HMG20A: variants seen among roughly 807,000 people sequenced by gnomAD.
HMG20A encodes high mobility group protein 20A.
HMG20A carries 17 observed loss-of-function variants against 43.9 expected under a neutral mutation model. That is an observed-to-expected ratio of 0.39 (90% CI 0.27 to 0.58). The LOEUF (loss-of-function observed/expected upper bound fraction) is 0.58. Ranked by LOEUF, HMG20A falls within the 20% of genes least tolerant of loss-of-function variation. HMG20A has a pLI of 0.59. For synonymous variants in HMG20A, 132 were observed against 147.5 expected, an observed-to-expected ratio of 0.89 and a Z score of 0.76; for missense variants, 341 against 438.2, an observed-to-expected ratio of 0.78 and a Z score of 1.98.
the HMG20A span, among the ~76,000 whole-genome samples, chr15:77,498,245 A>C: frequency 6.6e-6 from 1 of 152,104 alleles, no homozygotes; most frequent in African/African-American, 2.4e-5. Context: ...TGCTGCCGGC[A>C]CTTTCTTCTC....
chr15:77,454,712 A>C (rs2072638473), intron 1 of HMG20A, among the ~76,000 whole-genome samples: 1 of 152,216 alleles, frequency 6.6e-6, no homozygotes, highest in Non-Finnish European at 1.5e-5. Context: ...GAGTATTGGC[A>C]AAAGAACATT....
At chr15:77,489,405 A>G (rs558612703), downstream of HMG20A, among the ~76,000 whole-genome samples, 3 of 152,374 alleles carry the variant, frequency 2.0e-5, no homozygotes, top group South Asian at 2.1e-4. Flanking sequence ...ACATTCCACT[A>G]TAGCCGTACT....
At chr15:77,478,547 G>T (rs1016805147) in intron 8 of HMG20A, 37 bp downstream of exon 8, 1 of 1,546,692 alleles carries the variant, frequency 6.5e-7, no homozygotes, top group Non-Finnish European at 8.9e-7. Context: ...AGTGACAGGG[G>T]TGTGTGTGTT....
At chr15:77,504,310 G>C in the HMG20A span, among the ~76,000 whole-genome samples, 1 of 152,206 alleles carries the variant, frequency 6.6e-6, no homozygotes, top group African/African-American at 2.4e-5. Flanking sequence ...TGAGCAGGGC[G>C]TTCTTCCTTG....
intron 4 of HMG20A, among the ~76,000 whole-genome samples, chr15:77,470,536 G>A (rs1002484078): frequency 1.3e-5 from 2 of 152,168 alleles, no homozygotes; most frequent in African/African-American, 4.8e-5. Flanking sequence ...GACTAAGTGT[G>A]CCTATGTGGT....
intron 1 of HMG20A, among the ~76,000 whole-genome samples, chr15:77,430,215 T>C (rs566903800): frequency 2.4e-4 from 36 of 152,368 alleles, no homozygotes; most frequent in African/African-American, 8.4e-4. Flanking sequence ...CCTCATTAGA[T>C]AGTGTTAACG....
chr15:77,468,160 G>C (rs557317425), intron 4 of HMG20A, among the ~76,000 whole-genome samples: 2 of 152,284 alleles, frequency 1.3e-5, no homozygotes, highest in Non-Finnish European at 2.9e-5. Flanking sequence ...CAAGCTAGTA[G>C]AAAGCAGTGA....
At chr15:77,471,659 A>G in intron 5 of HMG20A, 124 bp from the exon 6 acceptor site, 1 of 670,522 alleles carries the variant, frequency 1.5e-6, no homozygotes, top group Non-Finnish European at 2.6e-6. Context: ...TTAAGGAAAA[A>G]TATCATATGT....
chr15:77,471,388 C>G (rs1057277230), intron 5 of HMG20A, among the ~76,000 whole-genome samples: 84 of 152,114 alleles, frequency 5.5e-4, no homozygotes, highest in African/African-American at 2.0e-3. Context: ...CACTTCTAAG[C>G]CTTTCATGTG....
chr15:77,433,616 A>T (rs1190856461), intron 1 of HMG20A, among the ~76,000 whole-genome samples: 2 of 152,258 alleles, frequency 1.3e-5, no homozygotes, highest in African/African-American at 4.8e-5. Context: ...AAACTATTAG[A>T]ATTAATAAGC....
At chr15:77,513,682 T>A in the HMG20A span, among the ~76,000 whole-genome samples, 2,109 of 152,226 alleles carry the variant, frequency 0.014, 27 homozygotes, top group South Asian at 0.028. Flanking sequence ...ACACCAGTTC[T>A]ATTAGACCAG....
intron 9 of HMG20A, among the ~76,000 whole-genome samples, chr15:77,480,560 T>C (rs1365973197): frequency 6.8e-6 from 1 of 146,564 alleles, no homozygotes; most frequent in African/African-American, 2.5e-5. Context: ...TTCAGTAAGC[T>C]AGGGTCACAC....
Position 77,467,210 on chromosome 15 carries a change from G to A in HMG20A, c.353G>A (p.Arg118Gln). ...TGYVRFMNER[R>Q]EQLRAKRPEV... Reference sequence around the variant, plus strand: ...TATGTTCGGTTCATGAATGAGCGTCGAGAACAACTTCGAGCAAAGAGACCA... The same window carrying A: ...TATGTTCGGTTCATGAATGAGCGTCAAGAACAACTTCGAGCAAAGAGACCA... The change falls in exon 4 of 10, where the codon CGA becomes CAA. Residue 118 changes from arginine to glutamine, a missense_variant. By Grantham distance (43) the Arg-to-Gln change is conservative (BLOSUM62 1). Coordinates refer to ENST00000336216, the MANE Select transcript of HMG20A (RefSeq NM_001304504.2). The A allele has an allele frequency of 6.2e-7, 1 of 1,614,060 alleles. No individual in the cohort carries two copies. Among genetic ancestry groups the A allele is most frequent in the Non-Finnish European group, 8.5e-7 (1 of 1,179,982 alleles).
chr15:77,507,598 C>G, the HMG20A span, among the ~76,000 whole-genome samples: 8 of 152,332 alleles, frequency 5.3e-5, no homozygotes, highest in African/African-American at 1.4e-4. Context: ...CAAGCCAAGC[C>G]ACGCGAAGGG....
chr15:77,507,315 A>G, the HMG20A span, among the ~76,000 whole-genome samples: 84,918 of 151,808 alleles, frequency 0.56, 24,046 homozygotes, highest in Non-Finnish European at 0.6. Context: ...CCTGCTCCCC[A>G]CTGTAAAAGG....
chr15:77,456,634 CAAA>C (rs34114445), intron 1 of HMG20A, among the ~76,000 whole-genome samples: 10,918 of 95,304 alleles, frequency 0.11, 414 homozygotes, highest in Admixed American at 0.13. Context: ...GCGAGACTGT[CAAA>C]AAAAAAAAAA....
intron 2 of HMG20A, among the ~76,000 whole-genome samples, chr15:77,462,877 G>T (rs1185697748): frequency 6.6e-6 from 1 of 150,556 alleles, no homozygotes. Flanking sequence ...GGTTCAAGCG[G>T]TTCTCCTGCC....
chr15:77,440,666 CA>C (rs1262769281), intron 1 of HMG20A, among the ~76,000 whole-genome samples: 1 of 152,122 alleles, frequency 6.6e-6, no homozygotes, highest in Non-Finnish European at 1.5e-5. Flanking sequence ...TCACTGTATT[CA>C]GGGGAAGGAA....
chr15:77,428,752 C>G (rs934272775), intron 1 of HMG20A, among the ~76,000 whole-genome samples: 50 of 152,186 alleles, frequency 3.3e-4, no homozygotes, highest in African/African-American at 1.2e-3. Flanking sequence ...ATCGCCTTAG[C>G]TCAGGAGTTT....
Sources: allele counts gnomAD v4.1 joint callset (sites outside exome capture counted in the v4.1 genomes callset), GRCh38; gene constraint gnomAD v4.1.1; transcripts MANE v1.5; gene names NCBI Gene and HGNC (gene_info 2026-07-23, HGNC 2026-07-21).